The following MYO5B variants were observed in gnomAD, a reference collection of about 807,000 sequenced individuals.
The protein encoded by MYO5B is unconventional myosin-Vb.
Under a neutral mutation model 229.3 loss-of-function variants are expected in MYO5B, and 143 were observed. The ratio of observed to expected loss-of-function variants is 0.62; its 90% CI spans 0.54 to 0.72. The LOEUF is 0.72. Ranked by LOEUF, MYO5B falls within the 30% of genes least tolerant of loss-of-function variation. The pLI is 0.00. For synonymous variants in MYO5B, 918 were observed against 885.2 expected (o/e 1.04, Z -0.66); for missense variants, 2,321 against 2,331.0 (o/e 1.00, Z 0.09).
At chr18:49,915,340 T>C (rs1429808599) in intron 17 of MYO5B, among the ~76,000 whole-genome samples, 1 of 152,238 alleles carries the variant, frequency 6.6e-6, no homozygotes, top group African/African-American at 2.4e-5. Context: ...TTTGTCTCTA[T>C]GCCCATTCCC....
chr18:49,929,694 T>G (rs2025168952), intron 16 of MYO5B, 96 bp from the exon 17 acceptor site: 2 of 1,067,094 alleles, frequency 1.9e-6, no homozygotes, highest in Non-Finnish European at 2.8e-6. Flanking sequence ...CTGCAGCATG[T>G]GAAGTACCTG....
At chr18:49,891,299 G>A (rs945129651) in intron 22 of MYO5B, among the ~76,000 whole-genome samples, 9 of 152,122 alleles carry the variant, frequency 5.9e-5, no homozygotes, top group African/African-American at 1.9e-4. Flanking sequence ...GCCATCAAAA[G>A]TGAAATCATA....
intron 4 of MYO5B, among the ~76,000 whole-genome samples, chr18:50,024,525 A>T (rs758687732): frequency 2.6e-5 from 4 of 152,240 alleles, no homozygotes; most frequent in Non-Finnish European, 5.9e-5. Context: ...GCAAGTCATC[A>T]ATCATGAATC....
At chr18:49,827,962 G>C (rs2023866648) in intron 39 of MYO5B, among the ~76,000 whole-genome samples, 1 of 152,138 alleles carries the variant, frequency 6.6e-6, no homozygotes, top group Non-Finnish European at 1.5e-5. Flanking sequence ...TCATCCCTCA[G>C]TATCCATGGG....
chr18:50,163,062 GAAGTA>G (rs1348954323), intron 1 of MYO5B, among the ~76,000 whole-genome samples: 1 of 152,186 alleles, frequency 6.6e-6, no homozygotes, highest in Non-Finnish European at 1.5e-5. Flanking sequence ...ATGACTTCGT[GAAGTA>G]TAGTACTATC....
intron 10 of MYO5B, among the ~76,000 whole-genome samples, chr18:49,965,454 T>TTC (rs555133086): frequency 3.4e-5 from 1 of 29,248 alleles, no homozygotes; most frequent in South Asian, 2.1e-3. Context: ...CACACTTCTT[T>TTC]TCACACACAC....
chr18:50,114,773 G>A (rs1420070266), intron 1 of MYO5B, among the ~76,000 whole-genome samples: 1 of 152,194 alleles, frequency 6.6e-6, no homozygotes, highest in Non-Finnish European at 1.5e-5. Flanking sequence ...AGGAAGTGTG[G>A]GGAAGACCAG....
At chr18:50,155,165 A>C (rs1705509) in intron 1 of MYO5B, among the ~76,000 whole-genome samples, 73,825 of 152,098 alleles carry the variant, frequency 0.49, 18,088 homozygotes, top group Admixed American at 0.59. Flanking sequence ...TAGTAGCTGC[A>C]ACCACTCCAG....
chr18:50,043,992 C>A (rs1247071488), intron 2 of MYO5B, among the ~76,000 whole-genome samples: 1 of 152,026 alleles, frequency 6.6e-6, no homozygotes, highest in Non-Finnish European at 1.5e-5. Flanking sequence ...AAAGAACTTA[C>A]TCATCTAACC....
chr18:49,863,097 G>C, intron 29 of MYO5B, 130 bp downstream of exon 29: 1 of 758,008 alleles, frequency 1.3e-6, no homozygotes, highest in Non-Finnish European at 2.3e-6. Flanking sequence ...CAGTCTTTCT[G>C]TGTCCTCTAA....
intron 1 of MYO5B, among the ~76,000 whole-genome samples, chr18:50,174,301 G>A (rs538301223): frequency 6.6e-6 from 1 of 152,270 alleles, no homozygotes; most frequent in African/African-American, 2.4e-5. Flanking sequence ...GAGCCTCCAG[G>A]AAAATACACA....
At chr18:49,882,098 T>C (rs914339144) in intron 22 of MYO5B, among the ~76,000 whole-genome samples, 4 of 152,096 alleles carry the variant, frequency 2.6e-5, no homozygotes, top group African/African-American at 7.2e-5. Context: ...GATGAGGACA[T>C]AGCTGAGCAT....
chr18:50,153,246 T>C (rs528167928), intron 1 of MYO5B, among the ~76,000 whole-genome samples: 25 of 152,244 alleles, frequency 1.6e-4, no homozygotes, highest in African/African-American at 5.8e-4. Flanking sequence ...AGATTGAAAA[T>C]AAGGATGTCT....
At chr18:50,045,743 C>T (rs2030206663) in intron 2 of MYO5B, among the ~76,000 whole-genome samples, 1 of 152,166 alleles carries the variant, frequency 6.6e-6, no homozygotes, top group African/African-American at 2.4e-5. Context: ...CCAATAACTA[C>T]ATGTAGCTAA....
chr18:50,023,919 T>G (rs532745042), intron 4 of MYO5B, among the ~76,000 whole-genome samples: 1 of 152,200 alleles, frequency 6.6e-6, no homozygotes, highest in African/African-American at 2.4e-5. Flanking sequence ...GCCTTCCAAC[T>G]TCAGAAAGAA....
chr18:50,182,613 C>T (rs1029284197), intron 1 of MYO5B, among the ~76,000 whole-genome samples: 6 of 152,222 alleles, frequency 3.9e-5, no homozygotes, highest in African/African-American at 1.4e-4. Flanking sequence ...TGTGCTAAGC[C>T]TTTGAGCACT....
Position 49,962,398 on chromosome 18 carries a change from G to GA in MYO5B, c.1412dup (p.Lys472GlnfsTer18). Reference sequence around the variant, plus strand: ...TCATGTATTCTTCTTGCTCCAGTTTGAAAACATGCTAGGGCAAGTAAAAAG... The same window carrying GA: ...TCATGTATTCTTCTTGCTCCAGTTTGAAAAACATGCTAGGGCAAGTAAAAAG... On this transcript the variant is annotated frameshift_variant, in exon 12 of 40. Coordinates refer to ENST00000285039, the MANE Select transcript of MYO5B (RefSeq NM_001080467.3). LOFTEE classifies it high-confidence loss of function. 1 of 1,614,122 alleles carries GA rather than the reference G, an allele frequency of 6.2e-7. No individual in the cohort carries two copies.
At chr18:49,978,900 G>A (rs1041276821) in intron 9 of MYO5B, among the ~76,000 whole-genome samples, 1 of 152,088 alleles carries the variant, frequency 6.6e-6, no homozygotes, top group Admixed American at 6.5e-5. Flanking sequence ...CCTCAGCCAG[G>A]CCTTGGTCAC....
intron 27 of MYO5B, 34 bp downstream of exon 27, chr18:49,872,133 G>T (rs760849794): frequency 5.6e-6 from 9 of 1,603,324 alleles, no homozygotes; most frequent in Non-Finnish European, 7.7e-6. Flanking sequence ...TGCCAGGGGA[G>T]TGTTCCAGGA....
Sources: gnomAD v4.1 joint callset for allele counts (sites outside exome capture counted in the v4.1 genomes callset) on GRCh38, gnomAD v4.1.1 for gene constraint, MANE v1.5 for transcripts, NCBI Gene and HGNC (gene_info 2026-07-23, HGNC 2026-07-21) for gene names.